CSNK1G1: variants seen among roughly 807,000 people sequenced by gnomAD.
CSNK1G1 encodes casein kinase I isoform gamma-1.
In CSNK1G1, 22 loss-of-function variants were observed where a neutral mutation model predicts 59.6. That is an observed-to-expected ratio of 0.37 (90% CI 0.26 to 0.53). CSNK1G1 has a LOEUF of 0.53. Among genes scored for constraint, CSNK1G1 ranks in the 20% least tolerant of loss-of-function variants. The probability of loss-of-function intolerance (pLI) is 0.89; values close to 1 mark genes in which losing one functional copy is unlikely to be tolerated. For missense variants in CSNK1G1, 384 were observed against 519.5 expected (o/e 0.74, Z 2.54); for synonymous variants, 179 against 177.1 (o/e 1.01, Z -0.08).
chr15:64,314,514 A>G (rs557662801), intron 1 of CSNK1G1, among the ~76,000 whole-genome samples: 41 of 151,674 alleles, frequency 2.7e-4, no homozygotes, highest in African/African-American at 9.9e-4. Context: ...TTATTCTCTC[A>G]GCAATTTTAA....
At chr15:64,255,567 A>ATAC (rs1367807210) in intron 3 of CSNK1G1, among the ~76,000 whole-genome samples, 9 of 152,228 alleles carry the variant, frequency 5.9e-5, no homozygotes. Context: ...ATAACCACGA[A>ATAC]TACTATTAAG....
At chr15:64,305,708 A>G (rs34375851) in intron 1 of CSNK1G1, among the ~76,000 whole-genome samples, 1 of 147,262 alleles carries the variant, frequency 6.8e-6, no homozygotes, top group Non-Finnish European at 1.5e-5. Context: ...AAAAAAAAAA[A>G]CAAAAACAAA....
intron 10 of CSNK1G1, among the ~76,000 whole-genome samples, chr15:64,186,135 C>T (rs1439020095): frequency 6.6e-6 from 1 of 151,938 alleles, no homozygotes; most frequent in Non-Finnish European, 1.5e-5. Context: ...GAGATAGAGT[C>T]TTGTTGTGTC....
At chr15:64,263,031 A>G (rs932444205) in intron 2 of CSNK1G1, among the ~76,000 whole-genome samples, 1 of 147,320 alleles carries the variant, frequency 6.8e-6, no homozygotes, top group African/African-American at 2.6e-5. Context: ...GTGAGCGGAG[A>G]TCACACGACT....
intron 1 of CSNK1G1, among the ~76,000 whole-genome samples, chr15:64,354,705 T>C (rs537796866): frequency 1.3e-5 from 2 of 152,296 alleles, no homozygotes; most frequent in Admixed American, 1.3e-4. Context: ...TAATAATTTA[T>C]CTTCTAATTC....
intron 4 of CSNK1G1, among the ~76,000 whole-genome samples, chr15:64,238,518 A>AAAAATATATAT (rs1555396879): frequency 2.0e-5 from 1 of 49,246 alleles, no homozygotes; most frequent in African/African-American, 1.2e-4. Flanking sequence ...AAAAAAAAAA[A>AAAAATATATAT]ATATATATAT....
chr15:64,207,488 A>C, intron 7 of CSNK1G1, 21 bp downstream of exon 7: 2 of 1,558,068 alleles, frequency 1.3e-6, no homozygotes, highest in South Asian at 2.2e-5. Context: ...AAAGCCCTCC[A>C]CTGAACACTT....
Position 64,171,116 on chromosome 15 carries a change from A to G in CSNK1G1, c.*815T>C, listed in dbSNP as rs1199439423. ...CAAAACAGGTAAAAGTAAAACCCCC[A>G]ATATAACCAGACACAATATGCATCT... On this transcript the variant is annotated 3_prime_UTR_variant, in exon 12 of 12. Transcript: ENST00000303052. This position sits in a 1 kb window ranked among gnomAD's most constrained non-coding sequence, Gnocchi z 4.8. The G allele has an allele frequency of 6.6e-6, 1 of 151,552 alleles. No individual in the cohort carries two copies. The highest frequency in any genetic ancestry group is 1.5e-5 in the Non-Finnish European group (1 of 67,776). 9.4% of individuals were successfully genotyped at this position (151,552 alleles called of 1,614,324 possible). A position where few individuals can be genotyped will look rare whatever the true frequency, so the allele number is the denominator to read the frequency against.
intron 3 of CSNK1G1, among the ~76,000 whole-genome samples, chr15:64,256,929 T>C (rs1428035115): frequency 6.6e-6 from 1 of 152,012 alleles, no homozygotes; most frequent in South Asian, 2.1e-4. Context: ...CTGCCTAAAA[T>C]CCTAAACAAA....
chr15:64,166,322 G>A lies in CSNK1G1; in HGVS notation c.*5609C>T, dbSNP rs779970680. ...CTGAATCAACATTATTTTCCATTGG[G>A]GGGTATATATTTTTGGTTTATCTTT... On this transcript the variant is annotated 3_prime_UTR_variant, in exon 12 of 12. Transcript: ENST00000303052. The surrounding 1 kb of genome is among the most constrained non-coding windows in gnomAD (Gnocchi z 4.5). 1 of 281,980 alleles carries A rather than the reference G, an allele frequency of 3.5e-6. No homozygotes were observed. The highest frequency in any genetic ancestry group is 6.5e-6 in the Non-Finnish European group (1 of 153,784). The allele number at this position is 281,980 out of a possible 1,614,324, so 17.5% of individuals were successfully genotyped here. A position where few individuals can be genotyped will look rare whatever the true frequency, so the allele number is the denominator to read the frequency against.
chr15:64,201,705 CATGTGTGT>C lies in CSNK1G1; in HGVS notation c.1107+1369_1107+1376del, dbSNP rs1466939376. On this transcript the variant is annotated intron_variant, in intron 10 of 11. Transcript: ENST00000303052. ...ATATTTGTGGGTGTACTCCATTGGA[CATGTGTGT>C]GTGTGTGTGTGTGTGTGTGTGTGTG... Among the ~76,000 whole-genome samples the C allele has an allele frequency of 5.0e-3, 520 of 104,236 alleles. 3 individuals carry two copies. The highest frequency in any genetic ancestry group is 0.017 in the African/African-American group (491 of 28,744). 68.4% of individuals were successfully genotyped at this position (104,236 alleles called of 152,430 possible).
At chr15:64,223,225 G>A (rs2082413934) in intron 4 of CSNK1G1, among the ~76,000 whole-genome samples, 1 of 150,142 alleles carries the variant, frequency 6.7e-6, no homozygotes, top group South Asian at 2.1e-4. Flanking sequence ...CAGCTGGGCT[G>A]CATTTAAATG....
chr15:64,338,129 G>A (rs1409645349), intron 1 of CSNK1G1, among the ~76,000 whole-genome samples: 1 of 152,150 alleles, frequency 6.6e-6, no homozygotes, highest in African/African-American at 2.4e-5. Context: ...AGAGAGGACT[G>A]CTGGGTCTAT....
intron 7 of CSNK1G1, 121 bp downstream of exon 7, chr15:64,207,388 G>A (rs904363317): frequency 1.5e-5 from 10 of 669,540 alleles, no homozygotes; most frequent in Non-Finnish European, 2.6e-5. Context: ...TGGGATTACA[G>A]GCATGAGCCA....
intron 1 of CSNK1G1, among the ~76,000 whole-genome samples, chr15:64,309,416 C>T (rs1161645017): frequency 1.3e-5 from 2 of 151,490 alleles, no homozygotes; most frequent in African/African-American, 4.9e-5. Flanking sequence ...TAAAAAAATC[C>T]AAACTCCAGA....
chr15:64,289,689 C>G (rs1355672809), intron 2 of CSNK1G1, among the ~76,000 whole-genome samples: 1 of 152,066 alleles, frequency 6.6e-6, no homozygotes, highest in Non-Finnish European at 1.5e-5. Flanking sequence ...TAACAGGAAA[C>G]TAATATCCAA....
Position 64,326,824 on chromosome 15 carries a change from G to A in CSNK1G1, c.-224-26101C>T, listed in dbSNP as rs1171358943. On this transcript the variant is annotated intron_variant, in intron 1 of 11. Coordinates refer to ENST00000303052, the MANE Select transcript of CSNK1G1 (RefSeq NM_022048.5). ...GCAGGCCAGTGGGTGCGCGCACCGT[G>A]CGCGAGCCGAAGCAGGGCGAGGCAT... Among the ~76,000 whole-genome samples the A allele has an allele frequency of 5.4e-5, 8 of 147,564 alleles. No individual in the cohort carries two copies. In the East Asian group the frequency reaches 1.6e-3, roughly 29 times the overall value.
chr15:64,258,530 AAC>A (rs1892517150), intron 3 of CSNK1G1, among the ~76,000 whole-genome samples: 1 of 152,234 alleles, frequency 6.6e-6, no homozygotes, highest in Admixed American at 6.5e-5. Context: ...TATGAGGACA[AAC>A]ACAGAGTTTC....
chr15:64,343,236 C>CACACACACACA (rs1555405238), intron 1 of CSNK1G1, among the ~76,000 whole-genome samples: 4 of 150,702 alleles, frequency 2.7e-5, no homozygotes, highest in Non-Finnish European at 5.9e-5. Flanking sequence ...CACACACACA[C>CACACACACACA]CTCTTCTAAA....
Sources: allele counts gnomAD v4.1 joint callset (sites outside exome capture counted in the v4.1 genomes callset), GRCh38; gene constraint gnomAD v4.1.1; non-coding constraint Gnocchi (gnomAD v3.1); transcripts MANE v1.5; gene names NCBI Gene and HGNC (gene_info 2026-07-23, HGNC 2026-07-21).